Variants in ANKRD28 observed in about 807,000 individuals in gnomAD.
ANKRD28 encodes the protein ankyrin repeat domain 28, also known as serine/threonine-protein phosphatase 6 regulatory ankyrin repeat subunit A.
A neutral mutation model predicts 126.5 loss-of-function variants in ANKRD28; 44 were observed. That is an observed-to-expected ratio of 0.35 (90% CI 0.27 to 0.45). The LOEUF (loss-of-function observed/expected upper bound fraction) is 0.45, where lower values mean the gene tolerates loss of function less well. Ranked by LOEUF, ANKRD28 falls within the 20% of genes least tolerant of loss-of-function variation. The pLI is 1.00. For missense variants in ANKRD28, 1,110 were observed against 1,316.6 expected, an observed-to-expected ratio of 0.84 and a Z score of 2.43; for synonymous variants, 442 against 468.5, an observed-to-expected ratio of 0.94 and a Z score of 0.73.
chr3:15,806,261 T>C (rs1292509118), intron 1 of ANKRD28, among the ~76,000 whole-genome samples: 2 of 152,186 alleles, frequency 1.3e-5, no homozygotes, highest in African/African-American at 4.8e-5. Context: ...TGTAGACAAT[T>C]TTGAACTTCT....
upstream of ANKRD28, among the ~76,000 whole-genome samples, chr3:15,798,718 C>A (rs995501059): frequency 6.6e-6 from 1 of 152,006 alleles, no homozygotes; most frequent in South Asian, 2.1e-4. Context: ...AATCTCCCTC[C>A]CTATAAATTT....
At chr3:15,803,561 G>A (rs975518845) in intron 1 of ANKRD28, among the ~76,000 whole-genome samples, 2 of 150,180 alleles carry the variant, frequency 1.3e-5, no homozygotes, top group Non-Finnish European at 2.9e-5. Context: ...AGGCTGTAAT[G>A]AGCTGAGATC....
chr3:15,837,113 A>AG (rs1449435103), intron 1 of ANKRD28, among the ~76,000 whole-genome samples: 2 of 151,620 alleles, frequency 1.3e-5, no homozygotes, highest in African/African-American at 4.8e-5. Flanking sequence ...AAAAAAAAAA[A>AG]AACCATAAAA....
At chr3:15,776,228 T>C (rs1049167917) in intron 2 of ANKRD28, among the ~76,000 whole-genome samples, 2 of 152,246 alleles carry the variant, frequency 1.3e-5, no homozygotes, top group African/African-American at 4.8e-5. Flanking sequence ...GTTTAAGTTA[T>C]TTAATAATAT....
intron 3 of ANKRD28, chr3:15,756,405 C>T (rs1208054136): frequency 1.4e-6 from 1 of 734,154 alleles, no homozygotes; most frequent in Non-Finnish European, 1.7e-6. Flanking sequence ...GAAAAGGTTA[C>T]CTAAATCTAG....
chr3:15,758,117 T>C (rs1328812114), intron 3 of ANKRD28, among the ~76,000 whole-genome samples: 2 of 152,230 alleles, frequency 1.3e-5, no homozygotes, highest in Admixed American at 1.3e-4. Flanking sequence ...TAATTATAAA[T>C]AGTCTCACAA....
At chr3:15,859,477 G>A (rs2061858409) in exon 1 of ANKRD28, 3 of 1,361,984 alleles carry the variant, frequency 2.2e-6, no homozygotes, top group Admixed American at 4.4e-5. Context: ...CCGGCCCACT[G>A]CTCCCGCCCC....
intron 23 of ANKRD28, 90 bp downstream of exon 23, chr3:15,679,211 C>T (rs2125685091): frequency 8.1e-7 from 1 of 1,241,548 alleles, no homozygotes; most frequent in East Asian, 2.3e-5. Context: ...TTCAAGTCAT[C>T]CTCCCACTTC....
intron 14 of ANKRD28, among the ~76,000 whole-genome samples, chr3:15,699,471 G>A (rs1015115759): frequency 6.6e-6 from 1 of 152,040 alleles, no homozygotes; most frequent in Non-Finnish European, 1.5e-5. Context: ...CAGAATGGGA[G>A]AAAATTTTTG....
At chr3:15,810,210 A>G (rs778346486) in intron 1 of ANKRD28, among the ~76,000 whole-genome samples, 17 of 152,184 alleles carry the variant, frequency 1.1e-4, no homozygotes, top group Non-Finnish European at 2.1e-4. Context: ...GGCTATCACA[A>G]TTAGTTTAAA....
rs1184411928 is a variant in ANKRD28 at position 15,830,583 on chromosome 3, G to A, written c.27+28794C>T. 2.0e-5 allele frequency among the ~76,000 whole-genome samples: 3 copies of A among 147,450 alleles called. No individual in the cohort carries two copies. The highest frequency in any genetic ancestry group is 1.4e-4 in the Admixed American group (2 of 14,678). ...TCTCAAAACCATCCCACCCCCCACC[G>A]CACCCCCATCCACGGAAAAATTGTC... On this transcript the variant is annotated intron_variant, in intron 1 of 27. Coordinates refer to the ANKRD28 transcript ENST00000399451. This position sits in a 1 kb window ranked among gnomAD's most constrained non-coding sequence, Gnocchi z 4.5.
In ANKRD28 at chr3:15,845,247, A is replaced by C. The variant is rs528824558; in HGVS notation, c.27+14130T>G. On this transcript the variant is annotated intron_variant, in intron 1 of 27. Coordinates refer to the ANKRD28 transcript ENST00000399451. The surrounding 1 kb of genome is among the most constrained non-coding windows in gnomAD (Gnocchi z 4.9). Reference sequence around the variant, plus strand: ...ATTTCTTCAAAATAGCAAGTCACCTATTATTAAATGAGTGGATTAACTGTT... The same window carrying C: ...ATTTCTTCAAAATAGCAAGTCACCTCTTATTAAATGAGTGGATTAACTGTT... 6.6e-6 allele frequency among the ~76,000 whole-genome samples: 1 copy of C among 152,338 alleles called. No individual in the cohort carries two copies. Among genetic ancestry groups the C allele is most frequent in the East Asian group, 1.9e-4 (1 of 5,192 alleles).
chr3:15,809,055 T>C (rs1215794858), intron 1 of ANKRD28, among the ~76,000 whole-genome samples: 1 of 152,052 alleles, frequency 6.6e-6, no homozygotes, highest in Non-Finnish European at 1.5e-5. Flanking sequence ...ATTCTACTTA[T>C]CATCTGCAGT....
intron 1 of ANKRD28, among the ~76,000 whole-genome samples, chr3:15,852,608 C>T (rs1231955549): frequency 6.6e-6 from 1 of 151,594 alleles, no homozygotes; most frequent in Non-Finnish European, 1.5e-5. Flanking sequence ...CCGAGGCGGG[C>T]GGATCACGAG....
intron 1 of ANKRD28, among the ~76,000 whole-genome samples, chr3:15,820,380 T>C (rs2060916991): frequency 6.6e-6 from 1 of 152,122 alleles, no homozygotes; most frequent in Admixed American, 6.5e-5. Flanking sequence ...TTAAAGCTAC[T>C]GATTTACCAA....
chr3:15,794,951 T>C (rs2060207936), intron 2 of ANKRD28, among the ~76,000 whole-genome samples: 3 of 152,104 alleles, frequency 2.0e-5, no homozygotes, highest in Admixed American at 2.0e-4. Context: ...CAAAAGTAAG[T>C]GAAAGGTATA....
intron 8 of ANKRD28, among the ~76,000 whole-genome samples, chr3:15,715,167 G>A (rs552651145): frequency 2.6e-5 from 4 of 152,170 alleles, no homozygotes; most frequent in Non-Finnish European, 4.4e-5. Context: ...TCATGTAGAA[G>A]TTCTAAAGGA....
At chr3:15,780,804 A>G (rs114740627) in intron 2 of ANKRD28, among the ~76,000 whole-genome samples, 2,516 of 152,298 alleles carry the variant, frequency 0.017, 63 homozygotes, top group African/African-American at 0.057. Context: ...AAAGGTGCCA[A>G]GAACACATAA....
intron 6 of ANKRD28, among the ~76,000 whole-genome samples, chr3:15,728,948 A>G (rs925485133): frequency 6.6e-6 from 1 of 152,202 alleles, no homozygotes; most frequent in Non-Finnish European, 1.5e-5. Context: ...TCTCTCAACC[A>G]TAACAGGTTG....
Sources: allele counts gnomAD v4.1 joint callset (sites outside exome capture counted in the v4.1 genomes callset), GRCh38; gene constraint gnomAD v4.1.1; non-coding constraint Gnocchi (gnomAD v3.1); transcripts MANE v1.5; gene names NCBI Gene and HGNC (gene_info 2026-07-23, HGNC 2026-07-21).